Variants in SORBS2 observed in about 807,000 individuals in gnomAD.
SORBS2 encodes sorbin and SH3 domain-containing protein 2.
SORBS2 carries 46 observed loss-of-function variants against 97.7 expected under a neutral mutation model. That is an observed-to-expected ratio of 0.47 (90% CI 0.37 to 0.60). The LOEUF is 0.60. SORBS2 is among the 20% of genes least tolerant of loss of function. The probability of loss-of-function intolerance (pLI) is 0.00; values close to 1 mark genes in which losing one functional copy is unlikely to be tolerated. For synonymous variants in SORBS2, 476 were observed against 473.4 expected, an observed-to-expected ratio of 1.01 and a Z score of -0.07; for missense variants, 1,316 against 1,282.3, an observed-to-expected ratio of 1.03 and a Z score of -0.40.
At chr4:185,709,304 C>CTTTTTTTTTTTTTTTTTTT (rs70962587) in intron 2 of SORBS2, among the ~76,000 whole-genome samples, 3,051 of 96,402 alleles carry the variant, frequency 0.032, 299 homozygotes, top group Non-Finnish European at 0.047. Context: ...CTGGCCAAAT[C>CTTTTTTTTTTTTTTTTTTT]TTTTTTTTTT....
chr4:185,798,592 CT>C (rs1426153546), intron 1 of SORBS2, among the ~76,000 whole-genome samples: 2 of 152,134 alleles, frequency 1.3e-5, no homozygotes, highest in Non-Finnish European at 2.9e-5. Flanking sequence ...GTGGATCTTT[CT>C]TTGCAGAGTG....
chr4:185,605,321 T>C (rs2096382245), intron 12 of SORBS2, among the ~76,000 whole-genome samples: 1 of 152,234 alleles, frequency 6.6e-6, no homozygotes, highest in South Asian at 2.1e-4. Context: ...TTGCTCTTTT[T>C]GCCCAGAACG....
At chr4:185,793,359 T>C (rs1178219124) in intron 1 of SORBS2, among the ~76,000 whole-genome samples, 1 of 152,226 alleles carries the variant, frequency 6.6e-6, no homozygotes, top group Non-Finnish European at 1.5e-5. Flanking sequence ...TATCCTGTCA[T>C]CATTTTTGCC....
In SORBS2 at chr4:185,795,754, T is replaced by C. The variant is rs568379048; in HGVS notation, c.-337-20388A>G. On this transcript the variant is annotated intron_variant, in intron 1 of 20. Transcript: ENST00000284776. ...TTGCTGCTCAATATATTTCTATTGG[T>C]CTAGACATTTTTTTTAAAACCACAT... Among the ~76,000 whole-genome samples, 4 of 152,286 alleles carry C rather than the reference T, an allele frequency of 2.6e-5. No individual in the cohort carries two copies. In the East Asian group the frequency reaches 7.7e-4, roughly 29 times the overall value.
chr4:185,941,090 G>A (rs543085905), intron 1 of SORBS2, among the ~76,000 whole-genome samples: 4 of 152,246 alleles, frequency 2.6e-5, no homozygotes, highest in Admixed American at 6.5e-5. Context: ...CGTCTACTTC[G>A]TTATTATCAC....
chr4:185,821,952 C>A (rs1355843802), intron 1 of SORBS2, among the ~76,000 whole-genome samples: 1 of 151,990 alleles, frequency 6.6e-6, no homozygotes, highest in Non-Finnish European at 1.5e-5. Flanking sequence ...AATGAAGGAC[C>A]CATAAATTAT....
intron 2 of SORBS2, among the ~76,000 whole-genome samples, chr4:185,738,826 T>C (rs564801856): frequency 3.7e-4 from 57 of 152,354 alleles, no homozygotes; most frequent in Non-Finnish European, 7.3e-4. Flanking sequence ...CACTTTCAAG[T>C]CTCCCTTTTT....
intron 1 of SORBS2, among the ~76,000 whole-genome samples, chr4:185,939,099 A>G (rs1022284847): frequency 6.6e-6 from 1 of 152,188 alleles, no homozygotes; most frequent in African/African-American, 2.4e-5. Flanking sequence ...CGCCCTGGCC[A>G]TATGTTGATG....
intron 1 of SORBS2, among the ~76,000 whole-genome samples, chr4:185,911,901 G>A (rs2099255309): frequency 6.6e-6 from 1 of 152,158 alleles, no homozygotes; most frequent in South Asian, 2.1e-4. Context: ...CAACTTGCAG[G>A]AAGATCCCAG....
intron 1 of SORBS2, among the ~76,000 whole-genome samples, chr4:185,886,355 G>C (rs35225482): frequency 6.6e-6 from 1 of 151,456 alleles, no homozygotes; most frequent in East Asian, 2.0e-4. Flanking sequence ...GGAGATTGAG[G>C]CCAGCCTGGC....
intron 6 of SORBS2, among the ~76,000 whole-genome samples, chr4:185,624,926 G>C (rs775001706): frequency 2.6e-5 from 4 of 152,190 alleles, no homozygotes; most frequent in Non-Finnish European, 4.4e-5. Flanking sequence ...GCCGGAATTT[G>C]AGCCTCATTT....
intron 3 of SORBS2, among the ~76,000 whole-genome samples, chr4:185,647,782 G>A (rs1276774080): frequency 2.6e-5 from 4 of 152,124 alleles, no homozygotes; most frequent in Non-Finnish European, 5.9e-5. Context: ...GCAATAATGT[G>A]TTGTTCTTCC....
intron 1 of SORBS2, among the ~76,000 whole-genome samples, chr4:185,871,344 A>C (rs2099230315): frequency 6.6e-6 from 1 of 152,202 alleles, no homozygotes; most frequent in African/African-American, 2.4e-5. Flanking sequence ...CGAAAATACA[A>C]ATCAGCAAAA....
upstream of SORBS2, among the ~76,000 whole-genome samples, chr4:185,660,798 T>C (rs1450611850): frequency 6.6e-6 from 1 of 152,162 alleles, no homozygotes; most frequent in Non-Finnish European, 1.5e-5. Context: ...ACCAGGCCTC[T>C]CCTTTTCTGG....
chr4:185,587,953 A>G (rs2095825956), intron 14 of SORBS2: 2 of 380,300 alleles, frequency 5.3e-6, no homozygotes, highest in Admixed American at 4.2e-5. Flanking sequence ...TCCCAAGCTA[A>G]AGGGAAAGTC....
chr4:185,714,189 T>C (rs2098446641), intron 2 of SORBS2, among the ~76,000 whole-genome samples: 1 of 152,250 alleles, frequency 6.6e-6, no homozygotes, highest in Non-Finnish European at 1.5e-5. Flanking sequence ...ATAATACATT[T>C]GCATTTTAAC....
intron 1 of SORBS2, among the ~76,000 whole-genome samples, chr4:185,798,222 C>T (rs2099114861): frequency 6.6e-6 from 1 of 152,188 alleles, no homozygotes; most frequent in South Asian, 2.1e-4. Context: ...AATCCTCCCA[C>T]CACTCTTTAG....
chr4:185,795,000 A>G (rs2099098240), intron 1 of SORBS2, among the ~76,000 whole-genome samples: 1 of 152,208 alleles, frequency 6.6e-6, no homozygotes, highest in Non-Finnish European at 1.5e-5. Flanking sequence ...GATTCACAGT[A>G]GGCAAGAGTG....
At chr4:185,716,860 G>T (rs561213715) in intron 2 of SORBS2, among the ~76,000 whole-genome samples, 1 of 152,154 alleles carries the variant, frequency 6.6e-6, no homozygotes. Flanking sequence ...TGCTGTGAGC[G>T]GTCCACCCCT....
Sources: allele counts gnomAD v4.1 joint callset (sites outside exome capture counted in the v4.1 genomes callset), GRCh38; gene constraint gnomAD v4.1.1; transcripts MANE v1.5; gene names NCBI Gene and HGNC (gene_info 2026-07-23, HGNC 2026-07-21).